MARCHF1: variants seen among roughly 807,000 people sequenced by gnomAD.
The protein encoded by MARCHF1 is E3 ubiquitin-protein ligase MARCHF1.
In MARCHF1, 40 loss-of-function variants were observed where a neutral mutation model predicts 54.2. That is an observed-to-expected ratio of 0.74 (90% CI 0.57 to 0.96). The LOEUF is 0.96. MARCHF1 is among the 40% of genes least tolerant of loss of function. The pLI is 0.00. For synonymous variants in MARCHF1, 236 were observed against 236.3 expected (o/e 1.00, Z 0.01); for missense variants, 586 against 656.5 (o/e 0.89, Z 1.17).
At chr4:163,882,036 G>A (rs989971932) in intron 3 of MARCHF1, among the ~76,000 whole-genome samples, 1 of 152,210 alleles carries the variant, frequency 6.6e-6, no homozygotes, top group Admixed American at 6.5e-5. Context: ...GCTAGTGTTT[G>A]CAGCATCAGC....
intron 2 of MARCHF1, among the ~76,000 whole-genome samples, chr4:164,073,994 T>C (rs1203596500): frequency 6.6e-6 from 1 of 152,144 alleles, no homozygotes; most frequent in Admixed American, 6.6e-5. Context: ...TTAGTAGAGA[T>C]GGAGTTTCAC....
chr4:163,997,791 G>T (rs1753105958), intron 2 of MARCHF1, among the ~76,000 whole-genome samples: 1 of 151,792 alleles, frequency 6.6e-6, no homozygotes, highest in African/African-American at 2.4e-5. Flanking sequence ...GATAATAGTT[G>T]TTCAATCTTA....
chr4:163,796,221 G>GTTTTTT (rs36039503), intron 4 of MARCHF1, among the ~76,000 whole-genome samples: 7 of 82,236 alleles, frequency 8.5e-5, no homozygotes, highest in South Asian at 4.8e-4. Flanking sequence ...GAAACTTCTA[G>GTTTTTT]TTTTTTTTTT....
chr4:163,739,219 G>A (rs918450586), intron 4 of MARCHF1, among the ~76,000 whole-genome samples: 1 of 152,060 alleles, frequency 6.6e-6, no homozygotes, highest in African/African-American at 2.4e-5. Flanking sequence ...AGTGGTGAAG[G>A]GATTTTATAC....
chr4:163,807,731 A>G (rs1366777067), intron 4 of MARCHF1, among the ~76,000 whole-genome samples: 1 of 152,172 alleles, frequency 6.6e-6, no homozygotes, highest in Non-Finnish European at 1.5e-5. Context: ...ATAAAAATAC[A>G]TATATAACAA....
chr4:164,095,941 A>G (rs1023525512), intron 2 of MARCHF1, among the ~76,000 whole-genome samples: 1 of 152,180 alleles, frequency 6.6e-6, no homozygotes, highest in Admixed American at 6.5e-5. Context: ...CTGAGGAGAA[A>G]GGGGAACGCT....
chr4:163,734,608 A>C (rs1273085501), intron 4 of MARCHF1, among the ~76,000 whole-genome samples: 2 of 152,028 alleles, frequency 1.3e-5, no homozygotes, highest in African/African-American at 4.8e-5. Context: ...AGGATGGTCA[A>C]ATTCTAGAAC....
In MARCHF1 at chr4:164,138,209, G is replaced by A. The variant is rs191311365; in HGVS notation, c.-322-26547C>T. On this transcript the variant is annotated intron_variant, in intron 1 of 9. Transcript: ENST00000514618. Reference sequence around the variant, plus strand: ...CTGGTTTATTTTTTACTGATCTCTGGCATTACCTAGGTTTTTTTTTTCTTT... The same window carrying A: ...CTGGTTTATTTTTTACTGATCTCTGACATTACCTAGGTTTTTTTTTTCTTT... Among the ~76,000 whole-genome samples, 4 of 151,400 alleles carry A rather than the reference G, an allele frequency of 2.6e-5. 1 individual carries two copies. The highest frequency in any genetic ancestry group is 1.3e-4 in the Admixed American group (2 of 15,234).
At chr4:163,557,386 G>A (rs919355568) in intron 8 of MARCHF1, among the ~76,000 whole-genome samples, 12 of 152,148 alleles carry the variant, frequency 7.9e-5, no homozygotes, top group African/African-American at 2.9e-4. Flanking sequence ...GACAGCAGTT[G>A]GTTTGAACCA....
In MARCHF1 at chr4:164,229,786, G is replaced by A. The variant is rs568981043; in HGVS notation, c.-322-118124C>T. On this transcript the variant is annotated intron_variant, in intron 1 of 9. Coordinates refer to ENST00000514618, the MANE Select transcript of MARCHF1 (RefSeq NM_001394959.1). The stretch of plus-strand genomic sequence containing the variant: ...CGAGTAAGAGCAAGAAAGAGAACAA[G>A]AGGGTAGGTGCTACACACTTTCAAA... 2.6e-5 allele frequency among the ~76,000 whole-genome samples: 4 copies of A among 152,226 alleles called. No homozygotes were observed. The South Asian group carries it at 8.3e-4, about 32-fold the overall frequency.
chr4:164,336,756 A>G (rs1729752910), intron 1 of MARCHF1, among the ~76,000 whole-genome samples: 1 of 152,196 alleles, frequency 6.6e-6, no homozygotes, highest in Admixed American at 6.5e-5. Flanking sequence ...TCTTGTTAGT[A>G]TTAACTGAAA....
intron 5 of MARCHF1, among the ~76,000 whole-genome samples, chr4:163,685,612 C>T (rs2111179448): frequency 6.6e-6 from 1 of 151,966 alleles, no homozygotes; most frequent in South Asian, 2.1e-4. Context: ...GCGCCACCAC[C>T]CCAGGCTAAT....
intron 4 of MARCHF1, among the ~76,000 whole-genome samples, chr4:163,744,417 T>G (rs550793190): frequency 9.8e-5 from 15 of 152,334 alleles, no homozygotes; most frequent in African/African-American, 3.6e-4. Context: ...CTCATGTCCT[T>G]GTCTAGGTAT....
intron 1 of MARCHF1, among the ~76,000 whole-genome samples, chr4:164,127,475 T>C (rs1388906046): frequency 6.6e-6 from 1 of 152,068 alleles, no homozygotes; most frequent in Admixed American, 6.6e-5. Context: ...TATATGAGCA[T>C]TGAAAAAAGG....
At chr4:163,584,343 T>C (rs1193273358) in intron 8 of MARCHF1, 3 of 152,150 alleles carry the variant, frequency 2.0e-5, no homozygotes, top group Admixed American at 2.0e-4. Flanking sequence ...TGAAGAAATA[T>C]ATAGATTCTA....
intron 3 of MARCHF1, among the ~76,000 whole-genome samples, chr4:163,906,769 A>T (rs1468274418): frequency 6.6e-6 from 1 of 151,940 alleles, no homozygotes; most frequent in Non-Finnish European, 1.5e-5. Context: ...CAATTTAAGA[A>T]AAACACTCTC....
intron 2 of MARCHF1, among the ~76,000 whole-genome samples, chr4:164,054,879 GTAAC>G (rs1754454507): frequency 6.6e-6 from 1 of 151,452 alleles, no homozygotes; most frequent in Non-Finnish European, 1.5e-5. Flanking sequence ...GTATACATAT[GTAAC>G]TAACATGCAC....
At chr4:164,139,140 C>T (rs1018991827) in intron 1 of MARCHF1, among the ~76,000 whole-genome samples, 3 of 152,056 alleles carry the variant, frequency 2.0e-5, no homozygotes, top group African/African-American at 7.2e-5. Context: ...AATTAGGAAA[C>T]TTAGCTGGTT....
intron 4 of MARCHF1, among the ~76,000 whole-genome samples, chr4:163,843,484 G>C (rs1017117077): frequency 6.6e-6 from 1 of 152,008 alleles, no homozygotes; most frequent in African/African-American, 2.4e-5. Context: ...TCCACCAGCA[G>C]TGTATCTGTG....
Sources: gnomAD v4.1 joint callset for allele counts (sites outside exome capture counted in the v4.1 genomes callset) on GRCh38, gnomAD v4.1.1 for gene constraint, MANE v1.5 for transcripts, NCBI Gene and HGNC (gene_info 2026-07-23, HGNC 2026-07-21) for gene names.